Variants in YIPF7 observed in about 807,000 individuals in gnomAD.
YIPF7 encodes Yip1 domain family member 7.
A neutral mutation model predicts 27.2 loss-of-function variants in YIPF7; 35 were observed. That is an observed-to-expected ratio of 1.29 (90% confidence interval 0.98 to 1.70). The LOEUF is 1.70. Among genes scored for constraint, YIPF7 ranks in the 40% most tolerant of loss-of-function variants. The pLI is 0.00. For synonymous variants in YIPF7, 137 were observed against 110.4 expected, an observed-to-expected ratio of 1.24 and a Z score of -1.51; for missense variants, 358 against 303.7, an observed-to-expected ratio of 1.18 and a Z score of -1.33.
At chr4:44,635,490 A>G (rs978077306) in intron 3 of YIPF7, among the ~76,000 whole-genome samples, 2 of 152,214 alleles carry the variant, frequency 1.3e-5, no homozygotes, top group Non-Finnish European at 2.9e-5. Flanking sequence ...AACAATGACA[A>G]CAAAAAATAT....
chr4:44,657,230 C>T (rs1035583201), intron 2 of YIPF7, among the ~76,000 whole-genome samples: 4 of 152,058 alleles, frequency 2.6e-5, no homozygotes, highest in East Asian at 1.9e-4. Flanking sequence ...TACCTTCTTT[C>T]GACAGGAGAA....
intron 3 of YIPF7, among the ~76,000 whole-genome samples, chr4:44,632,249 A>G (rs989279881): frequency 6.6e-6 from 1 of 152,230 alleles, no homozygotes; most frequent in Admixed American, 6.5e-5. Context: ...ATAAAAGAAG[A>G]TAAAACTGCT....
chr4:44,622,536 A>T lies in YIPF7; in HGVS notation c.649T>A (p.Trp217Arg), dbSNP rs780373980. The stretch of plus-strand genomic sequence containing the variant: ...ATCTTGGAAGCTGAGAGACTACACC[A>T]GCCAATGATGACCAGGGATGACATG... Reference protein sequence around the residue: ...GIMSSLVIIGWCSLSASKIFI... With the variant: ...GIMSSLVIIGRCSLSASKIFI... The change falls in exon 6 of 6, where the codon TGG becomes AGG. Residue 217 changes from tryptophan to arginine, a missense_variant. Transcript: ENST00000415895. 1 of 1,613,946 alleles carries T rather than the reference A, an allele frequency of 6.2e-7. No homozygotes were observed. The highest frequency in any genetic ancestry group is 8.5e-7 in the Non-Finnish European group (1 of 1,179,838).
At chr4:44,656,610 C>A (rs189024960), upstream of YIPF7, among the ~76,000 whole-genome samples, 4 of 152,094 alleles carry the variant, frequency 2.6e-5, no homozygotes, top group Admixed American at 2.0e-4. Flanking sequence ...GATTATGTTT[C>A]TAGGTGATGA....
chr4:44,625,285 T>C (rs568127246), intron 4 of YIPF7, among the ~76,000 whole-genome samples: 2 of 152,296 alleles, frequency 1.3e-5, no homozygotes, highest in South Asian at 4.1e-4. Context: ...TCAGTATCAT[T>C]ATTACACCAA....
At chr4:44,658,162 G>A (rs1713951426) in intron 2 of YIPF7, among the ~76,000 whole-genome samples, 1 of 152,162 alleles carries the variant, frequency 6.6e-6, no homozygotes, top group South Asian at 2.1e-4. Flanking sequence ...CCAATGTGAT[G>A]GTATCTGGAG....
At chr4:44,637,381 T>G (rs1350323683) in intron 2 of YIPF7, among the ~76,000 whole-genome samples, 1 of 152,200 alleles carries the variant, frequency 6.6e-6, no homozygotes. Flanking sequence ...AAGAGTTCCC[T>G]TTTCTCTACA....
rs570292608 is a variant in YIPF7 at position 44,643,059 on chromosome 4, C to A, written c.116+6926G>T. 3.9e-5 allele frequency among the ~76,000 whole-genome samples: 6 copies of A among 152,162 alleles called. No individual in the cohort carries two copies. The South Asian group carries it at 6.2e-4, about 16-fold the overall frequency. ...GTAGATGTCAGAAGAGTGTGGAGGGCTCAGAAGAAGACAGGAAGATGAGGA... is the reference window on the plus strand; with the variant it reads ...GTAGATGTCAGAAGAGTGTGGAGGGATCAGAAGAAGACAGGAAGATGAGGA... On this transcript the variant is annotated intron_variant, in intron 2 of 5. Coordinates refer to ENST00000415895, the MANE Select transcript of YIPF7 (RefSeq NM_182592.3).
chr4:44,635,053 G>A lies in YIPF7; in HGVS notation c.280+869C>T, dbSNP rs538547192. On this transcript the variant is annotated intron_variant, in intron 3 of 5. Transcript: ENST00000415895. ...AAAAGAAAGAAGAATGTGGCTGGTTGTGTTCATGTGAGGCAAACACCTTTA... is the reference window on the plus strand; with the variant it reads ...AAAAGAAAGAAGAATGTGGCTGGTTATGTTCATGTGAGGCAAACACCTTTA... Among the ~76,000 whole-genome samples, 5 of 152,262 alleles carry A rather than the reference G, an allele frequency of 3.3e-5. No individual in the cohort carries two copies. In the South Asian group the frequency reaches 1.0e-3, roughly 32 times the overall value.
At chr4:44,644,744 G>C (rs934684543) in intron 2 of YIPF7, among the ~76,000 whole-genome samples, 18 of 152,082 alleles carry the variant, frequency 1.2e-4, no homozygotes, top group Admixed American at 1.2e-3. Flanking sequence ...ATTTGGGAGG[G>C]TCCAGGGGTA....
chr4:44,642,945 G>A (rs1713387260), intron 2 of YIPF7, among the ~76,000 whole-genome samples: 2 of 152,098 alleles, frequency 1.3e-5, no homozygotes, highest in South Asian at 4.1e-4. Context: ...TGTAAGAATG[G>A]CCTAATACAA....
chr4:44,635,859 A>G, intron 3 of YIPF7, 63 bp downstream of exon 3: 1 of 1,543,804 alleles, frequency 6.5e-7, no homozygotes. Flanking sequence ...GCACACATTA[A>G]GTGCTAATTA....
rs936963213 is a variant in YIPF7, at chr4:44,624,699, G to T, written c.510C>A (p.Ser170Arg). 2 of 1,610,286 alleles carry T rather than the reference G, an allele frequency of 1.2e-6. No individual in the cohort carries two copies. The highest frequency in any genetic ancestry group is 1.7e-5 in the Admixed American group (1 of 59,666). ...CACAGCCGTACGACACCCCTGAAGA[G>T]CTCATCAGGTTCAGCAAGGCATGAA... Reference protein sequence around the residue: ...LVIHALLNLMSSSGVSYGCVA... With the variant: ...LVIHALLNLMRSSGVSYGCVA... The change falls in exon 5 of 6, where the codon AGC becomes AGA. Residue 170 changes from serine (S) to arginine (R), a missense_variant. Ser to Arg is a moderately radical substitution (Grantham distance 110, BLOSUM62 -1). Coordinates refer to ENST00000415895, the MANE Select transcript of YIPF7 (RefSeq NM_182592.3).
At chr4:44,633,764 G>C (rs1577735676) in intron 3 of YIPF7, among the ~76,000 whole-genome samples, 1 of 151,790 alleles carries the variant, frequency 6.6e-6, no homozygotes, top group Non-Finnish European at 1.5e-5. Flanking sequence ...TAATTAATAT[G>C]GTTACTATAT....
At chr4:44,660,309 C>A (rs1439167955) in intron 2 of YIPF7, 2 of 151,948 alleles carry the variant, frequency 1.3e-5, no homozygotes, top group East Asian at 1.9e-4. Context: ...TATAGGCTGG[C>A]CTTAGTGACT....
intron 4 of YIPF7, among the ~76,000 whole-genome samples, chr4:44,626,951 A>T (rs1418316169): frequency 3.5e-5 from 5 of 143,768 alleles, no homozygotes; most frequent in African/African-American, 7.7e-5. Context: ...AATTTTCTGT[A>T]TTTTTTTTTT....
At chr4:44,641,229 C>T (rs879208890) in intron 2 of YIPF7, among the ~76,000 whole-genome samples, 1 of 152,018 alleles carries the variant, frequency 6.6e-6, no homozygotes, top group Admixed American at 6.5e-5. Flanking sequence ...CTGTCACTTT[C>T]CTGTTGAATT....
chr4:44,624,479 T>C lies in YIPF7; in HGVS notation c.608+122A>G, dbSNP rs180816322. On this transcript the variant is annotated intron_variant, in intron 5 of 5. Coordinates refer to ENST00000415895, the MANE Select transcript of YIPF7 (RefSeq NM_182592.3). The stretch of plus-strand genomic sequence containing the variant: ...TTCTTAATCTATGAGTAGCTTTTAA[T>C]AGCCATGGTTTTCCCAGTTCCACTA... 1,831 of 1,155,386 alleles carry C rather than the reference T, an allele frequency of 1.6e-3. 15 individuals carry two copies. The African/African-American group carries it at 0.026, about 17-fold the overall frequency. The allele number at this position is 1,155,386 out of a possible 1,614,324, so 71.6% of individuals were successfully genotyped here.
At chr4:44,627,404 C>T (rs1286711307) in intron 4 of YIPF7, among the ~76,000 whole-genome samples, 1 of 152,122 alleles carries the variant, frequency 6.6e-6, no homozygotes, top group East Asian at 1.9e-4. Context: ...CTTATGTCTC[C>T]AGAGATAATA....
Sources: allele counts gnomAD v4.1 joint callset (sites outside exome capture counted in the v4.1 genomes callset), GRCh38; gene constraint gnomAD v4.1.1; transcripts MANE v1.5; gene names NCBI Gene and HGNC (gene_info 2026-07-23, HGNC 2026-07-21).